The following LMBR1 variants were observed in gnomAD, a reference collection of about 807,000 sequenced individuals.
LMBR1 encodes the protein limb region 1 protein homolog.
LMBR1 carries 52 observed loss-of-function variants against 73.9 expected under a neutral mutation model. The ratio of observed to expected loss-of-function variants is 0.70; its 90% CI spans 0.56 to 0.89. The LOEUF (loss-of-function observed/expected upper bound fraction) is 0.89. Ranked by LOEUF, LMBR1 falls within the 40% of genes least tolerant of loss-of-function variation. The probability of loss-of-function intolerance (pLI) is 0.00; values close to 1 mark genes in which losing one functional copy is unlikely to be tolerated. For missense variants in LMBR1, 539 were observed against 579.8 expected, an observed-to-expected ratio of 0.93 and a Z score of 0.72; for synonymous variants, 215 against 209.4, an observed-to-expected ratio of 1.03 and a Z score of -0.23.
At chr7:156,881,454 AG>A (rs1388306351) in intron 1 of LMBR1, among the ~76,000 whole-genome samples, 1 of 152,252 alleles carries the variant, frequency 6.6e-6, no homozygotes, top group Non-Finnish European at 1.5e-5. Flanking sequence ...TAACATCAAT[AG>A]CACAGGCAAT....
chr7:156,881,156 C>T (rs370456958), intron 1 of LMBR1, among the ~76,000 whole-genome samples: 18 of 152,186 alleles, frequency 1.2e-4, no homozygotes, highest in East Asian at 5.8e-4. Context: ...TATAGAACAA[C>T]GGAACAGAAC....
chr7:156,807,068 G>A (rs1433199354), intron 4 of LMBR1, among the ~76,000 whole-genome samples: 1 of 151,962 alleles, frequency 6.6e-6, no homozygotes, highest in Non-Finnish European at 1.5e-5. Flanking sequence ...AAAATCACAT[G>A]GATTGGCATT....
intron 4 of LMBR1, among the ~76,000 whole-genome samples, chr7:156,811,262 T>C (rs1439188640): frequency 6.6e-6 from 1 of 152,128 alleles, no homozygotes; most frequent in Non-Finnish European, 1.5e-5. Context: ...ATCTTTTACA[T>C]CTCAGTATGT....
intron 1 of LMBR1, among the ~76,000 whole-genome samples, chr7:156,850,436 C>T (rs1796079294): frequency 6.6e-6 from 1 of 152,182 alleles, no homozygotes; most frequent in South Asian, 2.1e-4. Context: ...ATTCAATGTC[C>T]TATATTCCTC....
rs1451139603 is a variant in LMBR1 at position 156,679,145 on chromosome 7, G to A, written c.*4933C>T. ...CAGGCAAATGTCTGCAGCTTTCTCA[G>A]TGGCGTTCCTTGTCGGTAAAATGCA... On this transcript the variant is annotated 3_prime_UTR_variant, in exon 17 of 17. Transcript: ENST00000353442. The A allele has an allele frequency of 1.3e-5, 2 of 152,192 alleles. No individual in the cohort carries two copies. The highest frequency in any genetic ancestry group is 2.9e-5 in the Non-Finnish European group (2 of 68,060). The allele number at this position is 152,192 out of a possible 1,614,324, so 9.4% of individuals were successfully genotyped here.
rs185391024 is a variant in LMBR1 at position 156,870,141 on chromosome 7, T to G, written c.66+22787A>C. 3.0e-4 allele frequency among the ~76,000 whole-genome samples: 46 copies of G among 152,264 alleles called. No individual in the cohort carries two copies. The East Asian group carries it at 7.7e-3, about 26-fold the overall frequency. On this transcript the variant is annotated intron_variant, in intron 1 of 16. Coordinates refer to ENST00000353442, the MANE Select transcript of LMBR1 (RefSeq NM_022458.4). ...GGAGACTTCAATACCCCATTTTCAATACTGAACAAAACATCCAGACAGAAG... is the reference window on the plus strand; with the variant it reads ...GGAGACTTCAATACCCCATTTTCAAGACTGAACAAAACATCCAGACAGAAG...
At chr7:156,850,177 G>A (rs909879493) in intron 1 of LMBR1, among the ~76,000 whole-genome samples, 1 of 152,092 alleles carries the variant, frequency 6.6e-6, no homozygotes, top group African/African-American at 2.4e-5. Flanking sequence ...ACAGGAGTGG[G>A]TTAGTTACGG....
chr7:156,718,018 T>C (rs573861172), intron 15 of LMBR1, among the ~76,000 whole-genome samples: 12 of 152,192 alleles, frequency 7.9e-5, no homozygotes, highest in South Asian at 4.1e-4. Context: ...CATTCACTTA[T>C]ATGATTAAAA....
At chr7:156,815,209 A>AG (rs1487466648) in intron 4 of LMBR1, among the ~76,000 whole-genome samples, 1 of 151,540 alleles carries the variant, frequency 6.6e-6, no homozygotes, top group African/African-American at 2.4e-5. Context: ...GACATACACC[A>AG]GCATTTAGAC....
intron 15 of LMBR1, among the ~76,000 whole-genome samples, chr7:156,690,698 G>C (rs1424429331): frequency 1.3e-5 from 2 of 151,954 alleles, no homozygotes; most frequent in African/African-American, 2.4e-5. Flanking sequence ...TGTTGCTATA[G>C]TGCACCGAAG....
intron 4 of LMBR1, among the ~76,000 whole-genome samples, chr7:156,806,382 C>T (rs1832080039): frequency 1.3e-5 from 2 of 152,052 alleles, no homozygotes; most frequent in South Asian, 4.1e-4. Context: ...TATAACAGAT[C>T]CCATCAGAAT....
At chr7:156,725,706 C>G (rs997440955) in intron 13 of LMBR1, 58 bp downstream of exon 13, 12 of 1,493,936 alleles carry the variant, frequency 8.0e-6, no homozygotes, top group Non-Finnish European at 1.1e-5. Context: ...ACTACTGCCC[C>G]AGAAAACTTG....
At chr7:156,743,985 T>C (rs544350801) in intron 9 of LMBR1, among the ~76,000 whole-genome samples, 1 of 152,332 alleles carries the variant, frequency 6.6e-6, no homozygotes, top group East Asian at 1.9e-4. Context: ...GAATAGTGCT[T>C]GGCACAAATT....
chr7:156,725,657 C>G (rs961789845), intron 13 of LMBR1, 107 bp downstream of exon 13: 1 of 1,242,804 alleles, frequency 8.0e-7, no homozygotes, highest in Non-Finnish European at 1.1e-6. Flanking sequence ...GGAAGACTAA[C>G]CTGTTGTTTT....
At chr7:156,847,440 T>C (rs1563521704) in intron 1 of LMBR1, among the ~76,000 whole-genome samples, 1 of 152,156 alleles carries the variant, frequency 6.6e-6, no homozygotes, top group Non-Finnish European at 1.5e-5. Flanking sequence ...ATTGATAAGC[T>C]AGACTTTACT....
intron 1 of LMBR1, among the ~76,000 whole-genome samples, chr7:156,885,557 G>A (rs1189712897): frequency 6.6e-6 from 1 of 151,824 alleles, no homozygotes; most frequent in Non-Finnish European, 1.5e-5. Context: ...TTCAAGACCA[G>A]TCTGGGTAAC....
chr7:156,837,734 T>C (rs1837913660), intron 1 of LMBR1, among the ~76,000 whole-genome samples: 1 of 151,900 alleles, frequency 6.6e-6, no homozygotes, highest in African/African-American at 2.4e-5. Context: ...TAAAAGGCAG[T>C]TGAAGAAAAG....
At chr7:156,798,848 T>C (rs1830466082) in intron 4 of LMBR1, among the ~76,000 whole-genome samples, 1 of 152,144 alleles carries the variant, frequency 6.6e-6, no homozygotes, top group Non-Finnish European at 1.5e-5. Context: ...TTACACAAGA[T>C]AGTTTTATTC....
At chr7:156,870,150 A>G (rs1173777254) in intron 1 of LMBR1, among the ~76,000 whole-genome samples, 1 of 152,228 alleles carries the variant, frequency 6.6e-6, no homozygotes, top group African/African-American at 2.4e-5. Context: ...ATACTGAACA[A>G]AACATCCAGA....
Sources: allele counts gnomAD v4.1 joint callset (sites outside exome capture counted in the v4.1 genomes callset), GRCh38; gene constraint gnomAD v4.1.1; transcripts MANE v1.5; gene names NCBI Gene and HGNC (gene_info 2026-07-23, HGNC 2026-07-21).